AFF3: variants seen among roughly 807,000 people sequenced by gnomAD.
AFF3 encodes the protein ALF transcription elongation factor 3.
Under a neutral mutation model 129.7 loss-of-function variants are expected in AFF3, and 32 were observed. The ratio of observed to expected loss-of-function variants is 0.25; its 90% CI spans 0.19 to 0.33. AFF3 has a LOEUF of 0.33. Ranked by LOEUF, AFF3 falls within the 10% of genes least tolerant of loss-of-function variation. AFF3 has a pLI of 1.00. For missense variants in AFF3, 1,373 were observed against 1,592.0 expected (o/e 0.86, Z 2.34); for synonymous variants, 644 against 635.4 (o/e 1.01, Z -0.20).
chr2:99,821,218 T>C (rs1311137115), intron 8 of AFF3, among the ~76,000 whole-genome samples: 1 of 152,190 alleles, frequency 6.6e-6, no homozygotes, highest in Non-Finnish European at 1.5e-5. Flanking sequence ...GGCAATTATA[T>C]GCATGAAGTT....
intron 7 of AFF3, among the ~76,000 whole-genome samples, chr2:100,000,509 C>T (rs999741155): frequency 2.1e-5 from 3 of 140,970 alleles, no homozygotes; most frequent in South Asian, 2.1e-4. Flanking sequence ...CTCTAGCACG[C>T]GCGCACACAC....
chr2:99,731,676 A>G (rs1679844575), intron 10 of AFF3, among the ~76,000 whole-genome samples: 1 of 152,228 alleles, frequency 6.6e-6, no homozygotes, highest in African/African-American at 2.4e-5. Flanking sequence ...TCATAAACCA[A>G]TAATGAGAAT....
chr2:99,783,953 G>A (rs561634458), intron 8 of AFF3, among the ~76,000 whole-genome samples: 15 of 152,292 alleles, frequency 9.8e-5, no homozygotes, highest in Middle Eastern at 3.4e-3. Flanking sequence ...TATATTGCCC[G>A]TTGCAAGTAC....
At chr2:100,018,030 G>GTA (rs144397984) in intron 4 of AFF3, among the ~76,000 whole-genome samples, 21,607 of 132,384 alleles carry the variant, frequency 0.16, 1,671 homozygotes, top group African/African-American at 0.2. Context: ...GTGTGTGTGT[G>GTA]TGTATATATA....
chr2:99,998,245 C>T (rs1681037411), intron 7 of AFF3, among the ~76,000 whole-genome samples: 1 of 152,140 alleles, frequency 6.6e-6, no homozygotes, highest in South Asian at 2.1e-4. Flanking sequence ...ATGACCAAAG[C>T]TAAGAAGCGT....
rs567346697 is a variant in AFF3 at position 99,932,600 on chromosome 2, T to A, written c.873+74032A>T. ...TGCTGACGTCCTTCGCTCAGGGAGG[T>A]GTTGGGCCTTGCACACTATGGCCCC... On this transcript the variant is annotated intron_variant, in intron 7 of 24. Transcript: ENST00000672756. Among the ~76,000 whole-genome samples, 331 of 152,136 alleles carry A rather than the reference T, an allele frequency of 2.2e-3. 2 individuals carry two copies. Among genetic ancestry groups the A allele is most frequent in the African/African-American group, 7.7e-3 (318 of 41,492 alleles).
intron 23 of AFF3, 28 bp downstream of exon 23, chr2:99,554,655 G>C (rs1331539969): frequency 1.2e-6 from 2 of 1,614,052 alleles, no homozygotes; most frequent in East Asian, 2.2e-5. Context: ...TCTGGCTTAC[G>C]GCATTGACTT....
Position 100,013,322 on chromosome 2 carries a change from G to A in AFF3, c.54-4390C>T, listed in dbSNP as rs192787460. ...AAATAAAAGTAACATCTATGAGCCC[G>A]ATGGCTTTTCTCTTCCATTGAGCTC... On this transcript the variant is annotated intron_variant, in intron 4 of 24. Transcript: ENST00000672756. 2.2e-4 allele frequency among the ~76,000 whole-genome samples: 33 copies of A among 152,248 alleles called. No individual in the cohort carries two copies. The East Asian group carries it at 4.8e-3, about 22-fold the overall frequency.
chr2:99,926,188 ATAT>A (rs1406699197), intron 7 of AFF3, among the ~76,000 whole-genome samples: 1 of 152,252 alleles, frequency 6.6e-6, no homozygotes, highest in Non-Finnish European at 1.5e-5. Context: ...CAGAATCTAA[ATAT>A]ATATGCCTGG....
chr2:99,600,908 ATTTTTC>A (rs1395344096), intron 14 of AFF3, among the ~76,000 whole-genome samples: 1 of 152,190 alleles, frequency 6.6e-6, no homozygotes, highest in Non-Finnish European at 1.5e-5. Context: ...GGTGATGCTA[ATTTTTC>A]TTTTTCTATT....
At chr2:99,684,448 A>G (rs1362146403) in intron 11 of AFF3, among the ~76,000 whole-genome samples, 1 of 152,162 alleles carries the variant, frequency 6.6e-6, no homozygotes, top group African/African-American at 2.4e-5. Context: ...AGGCTTTCAC[A>G]CTAATCCACT....
intron 8 of AFF3, among the ~76,000 whole-genome samples, chr2:99,755,818 A>C (rs1682051962): frequency 1.3e-5 from 2 of 152,194 alleles, no homozygotes. Flanking sequence ...AAAAATCGGC[A>C]TATCAAATTG....
At chr2:100,020,141 G>A (rs549058161) in intron 4 of AFF3, among the ~76,000 whole-genome samples, 14 of 152,004 alleles carry the variant, frequency 9.2e-5, no homozygotes, top group Middle Eastern at 3.4e-3. Flanking sequence ...TCCTGTTCAC[G>A]GCCAGGCTTC....
intron 7 of AFF3, among the ~76,000 whole-genome samples, chr2:99,848,703 G>C (rs1689916118): frequency 6.6e-6 from 1 of 152,178 alleles, no homozygotes; most frequent in African/African-American, 2.4e-5. Context: ...AAGTCAGTAA[G>C]TATAAACGAA....
chr2:99,657,110 A>G (rs1685817112), intron 12 of AFF3, among the ~76,000 whole-genome samples: 1 of 152,178 alleles, frequency 6.6e-6, no homozygotes, highest in African/African-American at 2.4e-5. Flanking sequence ...TAAGATCATG[A>G]TAAGAAGGCA....
intron 7 of AFF3, among the ~76,000 whole-genome samples, chr2:99,941,049 A>G (rs1173542146): frequency 2.0e-5 from 3 of 152,300 alleles, no homozygotes; most frequent in African/African-American, 7.2e-5. Context: ...ACACTGTGGT[A>G]GAGCAGGAGC....
chr2:99,600,940 C>T (rs1422527510), intron 14 of AFF3, among the ~76,000 whole-genome samples: 6 of 152,112 alleles, frequency 3.9e-5, no homozygotes, highest in African/African-American at 9.7e-5. Flanking sequence ...AAAGAAAACA[C>T]AGTTAAGAAG....
At chr2:100,121,725 T>TA (rs1194144163) in intron 2 of AFF3, among the ~76,000 whole-genome samples, 1 of 152,168 alleles carries the variant, frequency 6.6e-6, no homozygotes, top group East Asian at 1.9e-4. Flanking sequence ...GTACCATTGA[T>TA]AAAAAAAGAT....
At chr2:99,712,174 T>A (rs1677956901) in intron 11 of AFF3, among the ~76,000 whole-genome samples, 1 of 152,182 alleles carries the variant, frequency 6.6e-6, no homozygotes, top group South Asian at 2.1e-4. Context: ...CCTAAAATAT[T>A]CTGGGTTGTC....
Sources: gnomAD v4.1 joint callset for allele counts (sites outside exome capture counted in the v4.1 genomes callset) on GRCh38, gnomAD v4.1.1 for gene constraint, MANE v1.5 for transcripts, NCBI Gene and HGNC (gene_info 2026-07-23, HGNC 2026-07-21) for gene names.